Variants in TANGO6 observed in about 807,000 individuals in gnomAD.
TANGO6 encodes transport and golgi organization 6 homolog.
A neutral mutation model predicts 114.2 loss-of-function variants in TANGO6; 90 were observed. The observed-to-expected ratio is 0.79, with a 90% CI of 0.66 to 0.94. The LOEUF is 0.94. TANGO6 is among the 40% of genes least tolerant of loss of function. The pLI is 0.00. For missense variants in TANGO6, 1,274 were observed against 1,315.3 expected, an observed-to-expected ratio of 0.97 and a Z score of 0.49; for synonymous variants, 477 against 509.8, an observed-to-expected ratio of 0.94 and a Z score of 0.87.
chr16:69,040,494 A>C (rs1039128435), intron 17 of TANGO6, 73 bp downstream of exon 17: 112 of 1,290,728 alleles, frequency 8.7e-5, no homozygotes, highest in Admixed American at 1.0e-4. Context: ...TCCTTTTACC[A>C]GGGAAGGCCT....
At chr16:68,997,294 C>T (rs1964000374) in intron 15 of TANGO6, among the ~76,000 whole-genome samples, 1 of 152,214 alleles carries the variant, frequency 6.6e-6, no homozygotes, top group South Asian at 2.1e-4. Context: ...AGGATGGCTA[C>T]TCCATAGGCA....
intron 17 of TANGO6, among the ~76,000 whole-genome samples, chr16:69,063,820 A>C (rs575913283): frequency 0.11 from 11,518 of 104,460 alleles, 549 homozygotes; most frequent in African/African-American, 0.22. Context: ...TATTATTATT[A>C]TTATTATTAT....
intron 15 of TANGO6, among the ~76,000 whole-genome samples, chr16:69,000,055 C>T (rs778975071): frequency 8.5e-5 from 13 of 152,160 alleles, no homozygotes; most frequent in African/African-American, 2.9e-4. Flanking sequence ...AGAGGCGATT[C>T]GCCAGGAAAT....
At chr16:69,025,865 T>C (rs1597062935) in intron 16 of TANGO6, 1 of 238,062 alleles carries the variant, frequency 4.2e-6, no homozygotes, top group East Asian at 1.1e-4. Context: ...TTTTAATTCT[T>C]TCTAGTGGAA....
At chr16:69,020,904 A>ATGTGTGTGTG (rs34350425) in intron 15 of TANGO6, among the ~76,000 whole-genome samples, 2,715 of 87,208 alleles carry the variant, frequency 0.031, 37 homozygotes, top group Non-Finnish European at 0.034. Flanking sequence ...ATATGTATGT[A>ATGTGTGTGTG]TGTGTGTGTG....
chr16:68,879,978 A>C (rs1259980861), intron 6 of TANGO6, among the ~76,000 whole-genome samples: 1 of 146,868 alleles, frequency 6.8e-6, no homozygotes, highest in African/African-American at 2.5e-5. Flanking sequence ...AAAATGAAAA[A>C]AAATTTTTTT....
intron 17 of TANGO6, among the ~76,000 whole-genome samples, chr16:69,072,028 T>C (rs899191833): frequency 8.5e-6 from 1 of 117,628 alleles, no homozygotes; most frequent in Non-Finnish European, 1.8e-5. Context: ...AGGGAGACCG[T>C]GTGTGTGTGT....
intron 14 of TANGO6, among the ~76,000 whole-genome samples, chr16:68,950,543 C>A (rs368738916): frequency 6.6e-6 from 1 of 150,616 alleles, no homozygotes; most frequent in Non-Finnish European, 1.5e-5. Flanking sequence ...CCAGCCTGGG[C>A]GACAGAGCGA....
At chr16:68,895,860 GAC>G (rs1350344346) in intron 7 of TANGO6, among the ~76,000 whole-genome samples, 1 of 152,012 alleles carries the variant, frequency 6.6e-6, no homozygotes, top group Non-Finnish European at 1.5e-5. Context: ...AATTTTAATT[GAC>G]ACATAATTGT....
At chr16:68,956,698 C>G (rs994510140) in intron 14 of TANGO6, among the ~76,000 whole-genome samples, 7 of 151,902 alleles carry the variant, frequency 4.6e-5, no homozygotes, top group Admixed American at 3.3e-4. Flanking sequence ...ACTAAAAATA[C>G]AAAAATTAGC....
intron 14 of TANGO6, among the ~76,000 whole-genome samples, chr16:68,966,196 A>G (rs1963643587): frequency 1.3e-5 from 2 of 152,208 alleles, no homozygotes; most frequent in South Asian, 4.1e-4. Flanking sequence ...AAAGCACTCC[A>G]GCCTGGGCGA....
At chr16:68,925,176 T>C (rs1003339684) in intron 12 of TANGO6, among the ~76,000 whole-genome samples, 1 of 151,840 alleles carries the variant, frequency 6.6e-6, no homozygotes, top group Non-Finnish European at 1.5e-5. Context: ...CCAGGCATGG[T>C]GGCCGCACCT....
chr16:68,917,043 A>T (rs1441374554), intron 11 of TANGO6, among the ~76,000 whole-genome samples: 1 of 151,942 alleles, frequency 6.6e-6, no homozygotes, highest in Non-Finnish European at 1.5e-5. Flanking sequence ...CACCCTAAAA[A>T]TCCTCTATGC....
intron 17 of TANGO6, among the ~76,000 whole-genome samples, chr16:69,057,622 C>G (rs190333818): frequency 3.3e-5 from 5 of 152,112 alleles, no homozygotes; most frequent in African/African-American, 1.2e-4. Context: ...TCTGAGTCAC[C>G]TGGGCATTCC....
chr16:68,881,334 C>T (rs113829402), intron 7 of TANGO6, among the ~76,000 whole-genome samples: 7 of 151,500 alleles, frequency 4.6e-5, no homozygotes, highest in Non-Finnish European at 7.4e-5. Flanking sequence ...GCCAATATGG[C>T]GAAACCCTAT....
chr16:69,064,063 C>G (rs527663332), intron 17 of TANGO6, among the ~76,000 whole-genome samples: 63 of 152,104 alleles, frequency 4.1e-4, no homozygotes, highest in Admixed American at 2.1e-3. Context: ...TCTCAAACTC[C>G]TGTCCTCAAA....
At chr16:69,057,553 G>T (rs1454080014) in intron 17 of TANGO6, among the ~76,000 whole-genome samples, 2 of 152,122 alleles carry the variant, frequency 1.3e-5, no homozygotes, top group African/African-American at 4.8e-5. Context: ...AACCCAGGCA[G>T]TGCAGCTCCA....
intron 4 of TANGO6, 148 bp downstream of exon 4, chr16:68,867,368 G>T: frequency 1.0e-6 from 1 of 953,776 alleles, no homozygotes. Flanking sequence ...TAAACTTAGA[G>T]GCCGTTAATG....
chr16:68,929,354 T>G (rs1963211536), intron 13 of TANGO6, among the ~76,000 whole-genome samples: 1 of 152,220 alleles, frequency 6.6e-6, no homozygotes, highest in South Asian at 2.1e-4. Context: ...AAAGAAGTCT[T>G]TCAAATGTAT....
Sources: gnomAD v4.1 joint callset for allele counts (sites outside exome capture counted in the v4.1 genomes callset) on GRCh38, gnomAD v4.1.1 for gene constraint, MANE v1.5 for transcripts, NCBI Gene and HGNC (gene_info 2026-07-23, HGNC 2026-07-21) for gene names.